RMDN2: variants seen among roughly 807,000 people sequenced by gnomAD.
The protein encoded by RMDN2 is regulator of microtubule dynamics 2, also known as regulator of microtubule dynamics protein 2.
A neutral mutation model predicts 52.8 loss-of-function variants in RMDN2; 61 were observed. The observed-to-expected ratio is 1.16, with a 90% confidence interval of 0.94 to 1.43. The LOEUF (loss-of-function observed/expected upper bound fraction) is 1.43, where lower values mean the gene tolerates loss of function less well. RMDN2 is among the 40% of genes most tolerant of loss of function. RMDN2 has a pLI of 0.00. For missense variants in RMDN2, 592 were observed against 475.3 expected (o/e 1.25, Z -2.28); for synonymous variants, 180 against 153.1 (o/e 1.18, Z -1.30).
At chr2:37,980,882 A>C (rs570265851) in intron 4 of RMDN2, among the ~76,000 whole-genome samples, 1 of 151,612 alleles carries the variant, frequency 6.6e-6, no homozygotes, top group South Asian at 2.1e-4. Flanking sequence ...ACTCTGTCTT[A>C]TTTTACATTT....
rs1666563971 is a variant in RMDN2, at chr2:37,929,710, G to T, written c.433G>T (p.Glu145Ter). 5.3e-6 allele frequency: 8 copies of T among 1,510,730 alleles called. No individual in the cohort carries two copies. The highest frequency in any genetic ancestry group is 7.1e-6 in the Non-Finnish European group (8 of 1,133,816). The allele number at this position is 1,510,730 out of a possible 1,614,324, so 93.6% of individuals were successfully genotyped here. Reference protein sequence around the residue: ...QSSATSNSSEEAESEGGYITA... With the variant: ...QSSATSNSSE ...TTCAGCAACAAGTAATAGTTCAGAG[G>T]AAGCAGAAAGTGAAGGAGGGTAAGT... Residue 145 changes from glutamate (E) to a stop codon, truncating the protein, a stop_gained, in exon 2 of 11, where the codon GAA becomes TAA. Transcript: ENST00000354545. LOFTEE classifies it high-confidence loss of function.
intron 10 of RMDN2, 85 bp from the exon 11 acceptor site, chr2:38,017,101 C>T (rs1388285999): frequency 4.0e-6 from 3 of 753,924 alleles, no homozygotes; most frequent in Non-Finnish European, 5.9e-6. Context: ...GGAATCTCCT[C>T]AAGTCAGTGT....
chr2:38,048,824 G>A (rs894548500), intron 10 of RMDN2, among the ~76,000 whole-genome samples: 3 of 152,236 alleles, frequency 2.0e-5, no homozygotes, highest in Middle Eastern at 3.2e-3. Context: ...GCAACTTAGA[G>A]GCAGGGAGAA....
intron 10 of RMDN2, among the ~76,000 whole-genome samples, chr2:38,035,130 A>G (rs1351339288): frequency 6.6e-6 from 1 of 152,194 alleles, no homozygotes; most frequent in Non-Finnish European, 1.5e-5. Flanking sequence ...TTCTTCAACA[A>G]TAAAAGAATA....
chr2:38,037,750 T>A (rs1680680120), intron 10 of RMDN2, among the ~76,000 whole-genome samples: 1 of 152,250 alleles, frequency 6.6e-6, no homozygotes, highest in Admixed American at 6.5e-5. Flanking sequence ...GAAGGAGACC[T>A]ACAAACTGCT....
In RMDN2 at chr2:37,997,333, A is replaced by G. The variant is rs1675690303; in HGVS notation, c.946-83A>G. 3.6e-6 allele frequency: 3 copies of G among 835,272 alleles called. No homozygotes were observed. The South Asian group carries it at 4.0e-5, about 11-fold the overall frequency. The allele number at this position is 835,272 out of a possible 1,614,324, so 51.7% of individuals were successfully genotyped here. A position where few individuals can be genotyped will look rare whatever the true frequency, so the allele number is the denominator to read the frequency against. ...ACACACACACACGTATATACACATA[A>G]CACACACACGTCTAACTGGGGAGAG... On this transcript the variant is annotated intron_variant, in intron 7 of 10. Coordinates refer to ENST00000354545, the MANE Select transcript of RMDN2 (RefSeq NM_001170791.3).
chr2:37,925,561 G>C (rs986112891), intron 1 of RMDN2, 136 bp downstream of exon 1: 2 of 152,294 alleles, frequency 1.3e-5, no homozygotes, highest in African/African-American at 2.4e-5. Context: ...CGAAGCTTGA[G>C]CCTGCTAGCC....
In RMDN2 at chr2:38,017,609, G is replaced by C. The variant is rs1293825195; in HGVS notation, c.*370G>C. 2 of 1,217,690 alleles carry C rather than the reference G, an allele frequency of 1.6e-6. No homozygotes were observed. Among genetic ancestry groups the C allele is most frequent in the African/African-American group, 1.6e-5 (1 of 63,232 alleles). 75.4% of individuals were successfully genotyped at this position (1,217,690 alleles called of 1,614,324 possible). A position where few individuals can be genotyped will look rare whatever the true frequency, so the allele number is the denominator to read the frequency against. On this transcript the variant is annotated 3_prime_UTR_variant, in exon 11 of 11. Coordinates refer to ENST00000354545, the MANE Select transcript of RMDN2 (RefSeq NM_001170791.3). ...TAAGACAAAATAATTTCATTAATGT[G>C]GATGAAAAATGGAAAACTCAGCAAA...
intron 10 of RMDN2, among the ~76,000 whole-genome samples, chr2:38,045,882 C>T (rs896496922): frequency 1.3e-5 from 2 of 152,114 alleles, no homozygotes; most frequent in Admixed American, 6.6e-5. Flanking sequence ...CAAGTGTTGC[C>T]GTAAATTGTG....
rs146662920 is a variant in RMDN2, at chr2:38,002,378, C to A, written c.1045-1613C>A. 3.1e-3 allele frequency among the ~76,000 whole-genome samples: 472 copies of A among 152,174 alleles called. 1 individual carries two copies. The highest frequency in any genetic ancestry group is 5.3e-3 in the Non-Finnish European group (363 of 68,014). ...AAATCAAGATGTCCAATGGAGAATG[C>A]TTCCTTTCATTATGATTCATGCAGA... On this transcript the variant is annotated intron_variant, in intron 8 of 10. Transcript: ENST00000354545.
chr2:37,969,605 A>G (rs995951949), intron 2 of RMDN2, among the ~76,000 whole-genome samples: 4 of 152,070 alleles, frequency 2.6e-5, no homozygotes, highest in Non-Finnish European at 5.9e-5. Context: ...TAGGTCCTCT[A>G]TTGAATAATC....
At chr2:37,924,733 C>G (rs1666139170), upstream of RMDN2, among the ~76,000 whole-genome samples, 3 of 152,176 alleles carry the variant, frequency 2.0e-5, no homozygotes, top group African/African-American at 7.2e-5. Context: ...TGGGTAAAAC[C>G]TTAAATGTCA....
intron 4 of RMDN2, among the ~76,000 whole-genome samples, chr2:37,977,483 G>A (rs1672653009): frequency 6.6e-6 from 1 of 151,336 alleles, no homozygotes; most frequent in Non-Finnish European, 1.5e-5. Flanking sequence ...CCACCTCCCG[G>A]ACGGGGCGGC....
downstream of RMDN2, among the ~76,000 whole-genome samples, chr2:38,022,015 T>C (rs897960976): frequency 6.6e-6 from 1 of 152,188 alleles, no homozygotes; most frequent in Admixed American, 6.5e-5. Flanking sequence ...ATGTAGGTAA[T>C]GACATAACTG....
Position 38,017,436 on chromosome 2 carries a change from A to G in RMDN2, c.*197A>G, listed in dbSNP as rs1470705564. On this transcript the variant is annotated 3_prime_UTR_variant, in exon 11 of 11. Transcript: ENST00000354545. ...ATGTTATTTGGAGAATCTATATACT[A>G]TAATGTCAATACATAATCTATAAAC... 2 of 1,231,008 alleles carry G rather than the reference A, an allele frequency of 1.6e-6. No homozygotes were observed. Among genetic ancestry groups the G allele is most frequent in the South Asian group, 1.8e-5 (1 of 54,474 alleles). 76.3% of individuals were successfully genotyped at this position (1,231,008 alleles called of 1,614,324 possible). A position where few individuals can be genotyped will look rare whatever the true frequency, so the allele number is the denominator to read the frequency against.
At chr2:37,978,156 C>T (rs915341435) in intron 4 of RMDN2, among the ~76,000 whole-genome samples, 1 of 152,072 alleles carries the variant, frequency 6.6e-6, no homozygotes, top group Middle Eastern at 3.2e-3. Context: ...CCGTCTCCAC[C>T]AAAAAATACG....
At chr2:38,026,220 C>A (rs1293393917) in intron 10 of RMDN2, among the ~76,000 whole-genome samples, 3 of 152,018 alleles carry the variant, frequency 2.0e-5, no homozygotes, top group Non-Finnish European at 4.4e-5. Context: ...TTTTCTATTT[C>A]ATTTAAGTTG....
At chr2:37,970,745 C>A (rs1320147272) in intron 2 of RMDN2, among the ~76,000 whole-genome samples, 1 of 152,088 alleles carries the variant, frequency 6.6e-6, no homozygotes, top group Non-Finnish European at 1.5e-5. Flanking sequence ...GCTATAGCAA[C>A]ATTTGAGTTT....
At chr2:37,965,468 A>G (rs1670916194) in intron 2 of RMDN2, among the ~76,000 whole-genome samples, 1 of 151,596 alleles carries the variant, frequency 6.6e-6, no homozygotes, top group Non-Finnish European at 1.5e-5. Context: ...ATTCATACCA[A>G]CTTAATTTTA....
Sources: gnomAD v4.1 joint callset for allele counts (sites outside exome capture counted in the v4.1 genomes callset) on GRCh38, gnomAD v4.1.1 for gene constraint, MANE v1.5 for transcripts, NCBI Gene and HGNC (gene_info 2026-07-23, HGNC 2026-07-21) for gene names.